KIR2DL1: variants seen among roughly 807,000 people sequenced by gnomAD.
KIR2DL1 encodes the protein killer cell immunoglobulin like receptor, two Ig domains and long cytoplasmic tail 1.
In KIR2DL1, 38 loss-of-function variants were observed where a neutral mutation model predicts 33.9. That is an observed-to-expected ratio of 1.12 (90% CI 0.86 to 1.47). The LOEUF is 1.47. Ranked by LOEUF, KIR2DL1 falls within the 40% of genes most tolerant of loss-of-function variation. The pLI is 0.00. For synonymous variants in KIR2DL1, 179 were observed against 165.9 expected, an observed-to-expected ratio of 1.08 and a Z score of -0.61; for missense variants, 531 against 433.9, an observed-to-expected ratio of 1.22 and a Z score of -1.99.
Position 54,783,492 on chromosome 19 carries a change from C to T in KIR2DL1, c.824C>T (p.Ala275Val), listed in dbSNP as rs757909487. Residue 275 changes from alanine (A) to valine (V), a missense_variant, in exon 7 of 8, where the codon GCG becomes GTG. By Grantham distance (64) the Ala-to-Val change is moderately conservative. Coordinates refer to ENST00000336077, the MANE Select transcript of KIR2DL1 (RefSeq NM_014218.3). ...TGACTTCCATCTTCTACAGATGCTGCGGTAATGGACCAAGAGTCTGCAGGA... is the reference window on the plus strand; with the variant it reads ...TGACTTCCATCTTCTACAGATGCTGTGGTAATGGACCAAGAGTCTGCAGGA... ...HRWCSNKKNA[A>V]VMDQESAGNR... is the part of the protein sequence containing the mutation. The T allele has an allele frequency of 3.8e-5, 62 of 1,613,210 alleles. No homozygotes were observed. Among genetic ancestry groups the T allele is most frequent in the Middle Eastern group, 1.6e-4 (1 of 6,084 alleles).
In KIR2DL1 at chr19:54,783,973, C is replaced by G. The variant is rs1488617763; in HGVS notation, c.*160C>G. ...ACACCACAAATCTGAATGTGCCTCT[C>G]TCTTGCTTACAAATGTCTAAGGTCC... On this transcript the variant is annotated 3_prime_UTR_variant, in exon 8 of 8. Transcript: ENST00000336077. 17 of 1,170,746 alleles carry G rather than the reference C, an allele frequency of 1.5e-5. No individual in the cohort carries two copies. In the Admixed American group the frequency reaches 3.3e-4, roughly 23 times the overall value. 72.5% of individuals were successfully genotyped at this position (1,170,746 alleles called of 1,614,324 possible).
At chr19:54,778,313 T>C (rs1184223107) in intron 4 of KIR2DL1, among the ~76,000 whole-genome samples, 1 of 149,672 alleles carries the variant, frequency 6.7e-6, no homozygotes, top group East Asian at 1.9e-4. Flanking sequence ...ATCTGTGTTA[T>C]TCATTCTGCT....
intron 5 of KIR2DL1, among the ~76,000 whole-genome samples, chr19:54,781,188 A>G (rs2076887724): frequency 9.0e-6 from 1 of 111,206 alleles, no homozygotes; most frequent in Non-Finnish European, 1.9e-5. Context: ...AAAAATAAAA[A>G]TAAGAAATAC....
In KIR2DL1 at chr19:54,776,799, C is replaced by T. The variant is rs1395230916; in HGVS notation, c.664+1341C>T. ...GGGATTACAGGTGCACACCACCATG[C>T]CTGGCTACTTTTTGGTTTTTTTAGT... On this transcript the variant is annotated intron_variant, in intron 4 of 7. Transcript: ENST00000336077. Among the ~76,000 whole-genome samples, 21 of 146,970 alleles carry T rather than the reference C, an allele frequency of 1.4e-4. No homozygotes were observed. In the South Asian group the frequency reaches 4.5e-3, roughly 32 times the overall value.
chr19:54,778,590 T>G (rs1473744098), intron 4 of KIR2DL1, 22 bp from the exon 5 acceptor site: 2 of 1,526,300 alleles, frequency 1.3e-6, no homozygotes, highest in Non-Finnish European at 1.8e-6. Context: ...TTTCCTCACC[T>G]CTCTCCTGTC....
chr19:54,778,251 T>C (rs975826880), intron 4 of KIR2DL1, among the ~76,000 whole-genome samples: 5 of 149,410 alleles, frequency 3.3e-5, no homozygotes, highest in Admixed American at 6.8e-5. Context: ...AGAGCAAGAC[T>C]CCATCTCAAA....
intron 6 of KIR2DL1, among the ~76,000 whole-genome samples, 175 bp downstream of exon 6, chr19:54,783,198 G>A (rs1052728278): frequency 6.6e-6 from 1 of 151,636 alleles, no homozygotes; most frequent in Admixed American, 6.6e-5. Flanking sequence ...TCAACTCACA[G>A]ACCGTTGCCT....
chr19:54,783,528 C>A lies in KIR2DL1; in HGVS notation c.860C>A (p.Ala287Glu). 3 of 1,613,350 alleles carry A rather than the reference C, an allele frequency of 1.9e-6. No individual in the cohort carries two copies. The highest frequency in any genetic ancestry group is 4.5e-5 in the East Asian group (2 of 44,850). The stretch of plus-strand genomic sequence containing the variant: ...CAAGAGTCTGCAGGAAACAGAACAG[C>A]GAATAGCGAGGTAGGTACTCCTCGG... ...MDQESAGNRTANSEDSDEQDP... is the reference protein window; with the variant it reads ...MDQESAGNRTENSEDSDEQDP... The change falls in exon 7 of 8, where the codon GCG becomes GAG. Residue 287 changes from alanine to glutamate, a missense_variant. Coordinates refer to ENST00000336077, the MANE Select transcript of KIR2DL1 (RefSeq NM_014218.3).
chr19:54,770,502 G>T (rs1244024583), intron 1 of KIR2DL1, among the ~76,000 whole-genome samples: 2 of 146,186 alleles, frequency 1.4e-5, no homozygotes, highest in East Asian at 4.0e-4. Context: ...TATGGACCTG[G>T]AGTGGAGATA....
At chr19:54,772,894 C>T (rs1159302790) in intron 2 of KIR2DL1, among the ~76,000 whole-genome samples, 1 of 145,330 alleles carries the variant, frequency 6.9e-6, no homozygotes, top group Non-Finnish European at 1.5e-5. Context: ...CTCCCAGTCC[C>T]TACCAGGAAC....
intron 4 of KIR2DL1, among the ~76,000 whole-genome samples, chr19:54,777,144 G>C (rs1277963834): frequency 2.2e-4 from 33 of 151,136 alleles, no homozygotes; most frequent in Middle Eastern, 3.4e-3. Flanking sequence ...AGGCTGGAGT[G>C]CAGTGGCGCT....
intron 2 of KIR2DL1, 105 bp downstream of exon 2, chr19:54,770,989 G>T: frequency 6.8e-7 from 1 of 1,462,144 alleles, no homozygotes; most frequent in Non-Finnish European, 9.5e-7. Context: ...CTAGGAAGAA[G>T]GGACCCTGGG....
intron 4 of KIR2DL1, 149 bp downstream of exon 4, chr19:54,775,607 C>A (rs762491495): frequency 2.9e-3 from 3,326 of 1,149,468 alleles, no homozygotes; most frequent in Non-Finnish European, 3.7e-3. Flanking sequence ...GGATGGCCGA[C>A]AGGGCACCTC....
In KIR2DL1 at chr19:54,769,885, G is replaced by C. The variant is rs767137500; in HGVS notation, c.34+1G>C. 5 of 1,568,518 alleles carry C rather than the reference G, an allele frequency of 3.2e-6. 1 individual carries two copies. On this transcript the variant is annotated splice_donor_variant, in intron 1 of 7. Coordinates refer to ENST00000336077, the MANE Select transcript of KIR2DL1 (RefSeq NM_014218.3). LOFTEE classifies it high-confidence loss of function. ...TTGGTCGTCAGCATGGCGTGTGTTG[G>C]TGAGTCCTGGAAAGCAATAGAGGGA...
chr19:54,773,566 G>T lies in KIR2DL1; in HGVS notation c.304G>T (p.Gly102Cys). 3 of 1,581,590 alleles carry T rather than the reference G, an allele frequency of 1.9e-6. No homozygotes were observed. Among genetic ancestry groups the T allele is most frequent in the East Asian group, 2.2e-5 (1 of 44,576 alleles). The stretch of plus-strand genomic sequence containing the variant: ...CCTGGCAGGGACCTACAGATGCTAC[G>T]GTTCTGTTACTCACTCCCCCTATCA... Reference protein sequence around the residue: ...QDLAGTYRCYGSVTHSPYQVS... With the variant: ...QDLAGTYRCYCSVTHSPYQVS... Residue 102 changes from glycine (G) to cysteine (C), a missense_variant, in exon 3 of 8, where the codon GGT (glycine) becomes TGT (cysteine). Physicochemically the swap from Gly to Cys is radical, Grantham distance 159 (BLOSUM62 -3). Coordinates refer to ENST00000336077, the MANE Select transcript of KIR2DL1 (RefSeq NM_014218.3).
rs62123005 is a variant in KIR2DL1, at chr19:54,784,144, A to G, written c.*331A>G. On this transcript the variant is annotated 3_prime_UTR_variant, in exon 8 of 8. Transcript: ENST00000336077. ...TCACACTGAGGAACTCACAATTCCA[A>G]ACATACAAGAGGCTCCCTCTTAACG... is the stretch of plus-strand genomic sequence containing the variant. 2.2e-6 allele frequency: 1 copy of G among 445,060 alleles called. No homozygotes were observed. Among genetic ancestry groups the G allele is most frequent in the South Asian group, 2.5e-5 (1 of 39,596 alleles). 27.6% of individuals were successfully genotyped at this position (445,060 alleles called of 1,614,324 possible). A position where few individuals can be genotyped will look rare whatever the true frequency, so the allele number is the denominator to read the frequency against.
At position 54,776,175 on chromosome 19, in the gene KIR2DL1, C is replaced by A. The variant is rs1263918972; in HGVS notation, c.664+717C>A. The stretch of plus-strand genomic sequence containing the variant: ...AAAGTGCTGGGATTACAGGCATGGG[C>A]CACCAGGCCCAGCCACATTTACCAT... On this transcript the variant is annotated intron_variant, in intron 4 of 7. Transcript: ENST00000336077. Among the ~76,000 whole-genome samples the A allele has an allele frequency of 1.3e-4, 19 of 144,000 alleles. 1 individual carries two copies. Among genetic ancestry groups the A allele is most frequent in the African/African-American group, 2.8e-4 (11 of 39,254 alleles). The allele number at this position is 144,000 out of a possible 152,430, so 94.5% of individuals were successfully genotyped here. A position where few individuals can be genotyped will look rare whatever the true frequency, so the allele number is the denominator to read the frequency against.
rs767319952 is a variant in KIR2DL1, at chr19:54,775,187, C to T, written c.393C>T (p.Leu131=). The change falls in exon 4 of 8, where the codon CTC becomes CTT. Residue 131 remains leucine (L), a synonymous_variant. Transcript: ENST00000336077. ...VIIGLYEKPS[L]SAQLGPTVLA... ...CAGGTCTATATGAGAAACCTTCTCT[C>T]TCAGCCCAGCTGGGCCCCACGGTTC... 2 of 1,588,360 alleles carry T rather than the reference C, an allele frequency of 1.3e-6. No individual in the cohort carries two copies. The highest frequency in any genetic ancestry group is 1.1e-5 in the South Asian group (1 of 89,074).
chr19:54,773,399 T>A lies in KIR2DL1; in HGVS notation c.137T>A (p.Ile46Asn). 6.3e-7 allele frequency: 1 copy of A among 1,595,590 alleles called. No homozygotes were observed. ...CTGGTGAAATCAGAAGAGACAGTCA[T>A]CCTGCAGTGTTGGTCAGATGTCATG... ...GRLVKSEETV[I>N]LQCWSDVMFE... The change falls in exon 3 of 8, where the codon ATC (isoleucine) becomes AAC (asparagine). Residue 46 changes from isoleucine (I) to asparagine (N), a missense_variant. Ile to Asn is a moderately radical substitution (Grantham distance 149, BLOSUM62 -3). Coordinates refer to ENST00000336077, the MANE Select transcript of KIR2DL1 (RefSeq NM_014218.3).
Sources: allele counts gnomAD v4.1 joint callset (sites outside exome capture counted in the v4.1 genomes callset), GRCh38; gene constraint gnomAD v4.1.1; transcripts MANE v1.5; gene names NCBI Gene and HGNC (gene_info 2026-07-23, HGNC 2026-07-21).